Variants in TLE1 observed in about 807,000 individuals in gnomAD.
The protein encoded by TLE1 is transducin-like enhancer protein 1.
TLE1 carries 21 observed loss-of-function variants against 89.8 expected under a neutral mutation model. That is an observed-to-expected ratio of 0.23 (90% CI 0.17 to 0.34). The LOEUF (loss-of-function observed/expected upper bound fraction) is 0.34, where lower values mean the gene tolerates loss of function less well. Among genes scored for constraint, TLE1 ranks in the 10% least tolerant of loss-of-function variants. The probability of loss-of-function intolerance (pLI) is 1.00; values close to 1 mark genes in which losing one functional copy is unlikely to be tolerated. For synonymous variants in TLE1, 447 were observed against 407.6 expected, an observed-to-expected ratio of 1.10 and a Z score of -1.16; for missense variants, 795 against 1,031.2, an observed-to-expected ratio of 0.77 and a Z score of 3.14.
intron 2 of TLE1, 109 bp downstream of exon 2, chr9:81,687,225 C>G (rs1391390249): frequency 1.2e-6 from 1 of 865,912 alleles, no homozygotes; most frequent in Non-Finnish European, 1.8e-6. Flanking sequence ...AGACTCCACA[C>G]GCCACCGCCT....
At chr9:81,672,366 T>C (rs1832333447) in intron 4 of TLE1, among the ~76,000 whole-genome samples, 1 of 151,734 alleles carries the variant, frequency 6.6e-6, no homozygotes, top group African/African-American at 2.4e-5. Context: ...GGAGTTTCAC[T>C]CTTTTTGCCC....
At chr9:81,609,637 C>T (rs554198205) in intron 14 of TLE1, among the ~76,000 whole-genome samples, 9 of 152,246 alleles carry the variant, frequency 5.9e-5, no homozygotes, top group East Asian at 1.9e-4. Context: ...TGCTTCCCCA[C>T]GAAGCCACTT....
At position 81,687,378 on chromosome 9, in the gene TLE1, G is replaced by A. The variant is rs753672162; in HGVS notation, c.81C>T (p.Asp27=). 1.9e-6 allele frequency: 3 copies of A among 1,610,834 alleles called. No homozygotes were observed. Among genetic ancestry groups the A allele is most frequent in the Non-Finnish European group, 2.5e-6 (3 of 1,179,446 alleles). Reference sequence around the variant, plus strand: ...GGAACTGGAATTCCTCTTTAATCCGGTCCAGGGACTCCGGGATAGTGAACT... The same window carrying A: ...GGAACTGGAATTCCTCTTTAATCCGATCCAGGGACTCCGGGATAGTGAACT... ...PFKFTIPESL[D]RIKEEFQFLQ... Residue 27 remains aspartate (D), a synonymous_variant, in exon 2 of 20, where the codon GAC becomes GAT. Transcript: ENST00000376499.
intron 4 of TLE1, among the ~76,000 whole-genome samples, chr9:81,664,252 C>CA (rs75917762): frequency 0.022 from 2,878 of 127,926 alleles, 39 homozygotes; most frequent in African/African-American, 0.05. Context: ...CTGCCTCTAC[C>CA]AAAAAAAAAA....
chr9:81,688,273 G>A lies in TLE1; in HGVS notation c.-33C>T, dbSNP rs1336068776. 7.1e-6 allele frequency: 11 copies of A among 1,552,444 alleles called. No individual in the cohort carries two copies. The highest frequency in any genetic ancestry group is 2.6e-5 in the East Asian group (1 of 38,730). ...GCGGCGGCCGGGGCTCTGTTCCCCGGCAACTCAATTCTCCGGTCAATTTCC... is the reference window on the plus strand; with the variant it reads ...GCGGCGGCCGGGGCTCTGTTCCCCGACAACTCAATTCTCCGGTCAATTTCC... On this transcript the variant is annotated 5_prime_UTR_variant, in exon 1 of 20. Transcript: ENST00000376499.
At chr9:81,620,903 G>A (rs777921484) in intron 8 of TLE1, 5 of 564,460 alleles carry the variant, frequency 8.9e-6, no homozygotes, top group Non-Finnish European at 1.3e-5. Flanking sequence ...TCAGGAATAC[G>A]AATGGCCTAT....
chr9:81,688,289 G>C lies in TLE1; in HGVS notation c.-49C>G, dbSNP rs755203537. 1.3e-6 allele frequency: 2 copies of C among 1,521,520 alleles called. No individual in the cohort carries two copies. Among genetic ancestry groups the C allele is most frequent in the African/African-American group, 1.5e-5 (1 of 68,808 alleles). 94.3% of individuals were successfully genotyped at this position (1,521,520 alleles called of 1,614,324 possible). A position where few individuals can be genotyped will look rare whatever the true frequency, so the allele number is the denominator to read the frequency against. ...TGTTCCCCGGCAACTCAATTCTCCGGTCAATTTCCAACTTTAATCCCGCCG... is the reference window on the plus strand; with the variant it reads ...TGTTCCCCGGCAACTCAATTCTCCGCTCAATTTCCAACTTTAATCCCGCCG... On this transcript the variant is annotated 5_prime_UTR_variant, in exon 1 of 20. Transcript: ENST00000376499.
chr9:81,680,138 A>G (rs1040125312), intron 4 of TLE1, among the ~76,000 whole-genome samples: 2 of 152,206 alleles, frequency 1.3e-5, no homozygotes, highest in African/African-American at 4.8e-5. Context: ...CGAGGGAACA[A>G]ACAGACTTTT....
intron 6 of TLE1, among the ~76,000 whole-genome samples, chr9:81,646,138 AAAGG>A (rs1828834028): frequency 6.6e-6 from 1 of 152,216 alleles, no homozygotes; most frequent in African/African-American, 2.4e-5. Context: ...TTTTTTTAAA[AAAGG>A]AAAGAAATAT....
intron 4 of TLE1, among the ~76,000 whole-genome samples, chr9:81,684,018 G>A (rs1352880106): frequency 2.6e-5 from 4 of 151,884 alleles, no homozygotes; most frequent in Non-Finnish European, 2.9e-5. Flanking sequence ...ACACTGAGGT[G>A]GTGTTCCCTT....
intron 14 of TLE1, among the ~76,000 whole-genome samples, chr9:81,601,100 C>T (rs1208767116): frequency 2.6e-5 from 4 of 152,074 alleles, no homozygotes; most frequent in Admixed American, 2.6e-4. Flanking sequence ...TCTGGAGAAC[C>T]CAGAGTCATA....
chr9:81,685,826 T>C lies in TLE1; in HGVS notation c.189+7A>G. On this transcript the variant is annotated splice_region_variant and intron_variant, in intron 3 of 19. Coordinates refer to ENST00000376499, the MANE Select transcript of TLE1 (RefSeq NM_005077.5). The stretch of plus-strand genomic sequence containing the variant: ...AAAAAGGAAAAAGTCCAATCTTTGA[T>C]ACCTACCATCACATAGTGCCTCTGC... The C allele has an allele frequency of 1.2e-6, 2 of 1,614,144 alleles. No homozygotes were observed. Among genetic ancestry groups the C allele is most frequent in the African/African-American group, 1.3e-5 (1 of 75,078 alleles).
At chr9:81,609,759 C>T (rs986548324) in intron 14 of TLE1, among the ~76,000 whole-genome samples, 1 of 152,086 alleles carries the variant, frequency 6.6e-6, no homozygotes, top group African/African-American at 2.4e-5. Flanking sequence ...CTTGTTTCCA[C>T]CAAAATAAGA....
chr9:81,597,721 G>A (rs1467587896), intron 14 of TLE1, among the ~76,000 whole-genome samples: 11 of 152,090 alleles, frequency 7.2e-5, no homozygotes, highest in Admixed American at 5.2e-4. Context: ...AAGCCCACTC[G>A]ACTTCACAGA....
chr9:81,656,487 T>C (rs1204391941), intron 4 of TLE1, among the ~76,000 whole-genome samples: 1 of 152,150 alleles, frequency 6.6e-6, no homozygotes, highest in Non-Finnish European at 1.5e-5. Context: ...TGCACACAGA[T>C]ACATATACAG....
intron 8 of TLE1, 64 bp from the exon 9 acceptor site, chr9:81,620,621 C>A: frequency 6.4e-7 from 1 of 1,563,036 alleles, no homozygotes; most frequent in Non-Finnish European, 8.6e-7. Context: ...TGAAACCCAA[C>A]CTCGATGTGA....
At chr9:81,606,045 G>T (rs1184881322) in intron 14 of TLE1, among the ~76,000 whole-genome samples, 2 of 152,156 alleles carry the variant, frequency 1.3e-5, no homozygotes, top group Non-Finnish European at 2.9e-5. Context: ...GGCCATCAGA[G>T]AAATGCAAAT....
chr9:81,589,989 G>A (rs777592663), intron 16 of TLE1, among the ~76,000 whole-genome samples: 9 of 152,082 alleles, frequency 5.9e-5, no homozygotes, highest in African/African-American at 9.7e-5. Flanking sequence ...TCTGGAGCCC[G>A]TCCCTTCTCT....
At position 81,689,341 on chromosome 9, in the gene TLE1, G is replaced by C. The variant is rs1378303684; in HGVS notation, c.-1101C>G. 1 of 152,348 alleles carries C rather than the reference G, an allele frequency of 6.6e-6. No homozygotes were observed. Among genetic ancestry groups the C allele is most frequent in the Admixed American group, 6.5e-5 (1 of 15,278 alleles). The allele number at this position is 152,348 out of a possible 1,614,324, so 9.4% of individuals were successfully genotyped here. ...GAGTCCAGAGTAGTCACAGCGGTGG[G>C]GCCAGCGGGGGTTTTGGTCGCCGCG... On this transcript the variant is annotated 5_prime_UTR_variant, in exon 1 of 20. Coordinates refer to ENST00000376499, the MANE Select transcript of TLE1 (RefSeq NM_005077.5).
Sources: gnomAD v4.1 joint callset for allele counts (sites outside exome capture counted in the v4.1 genomes callset) on GRCh38, gnomAD v4.1.1 for gene constraint, MANE v1.5 for transcripts, NCBI Gene and HGNC (gene_info 2026-07-23, HGNC 2026-07-21) for gene names.